The following WDR59 variants were observed in gnomAD, a reference collection of about 807,000 sequenced individuals.
The protein encoded by WDR59 is GATOR2 complex protein WDR59.
A neutral mutation model predicts 131.2 loss-of-function variants in WDR59; 100 were observed. The observed-to-expected ratio is 0.76, with a 90% CI of 0.65 to 0.90. WDR59 has a LOEUF of 0.90. WDR59 is among the 40% of genes least tolerant of loss of function. The pLI is 0.00. For missense variants in WDR59, 1,203 were observed against 1,262.2 expected, an observed-to-expected ratio of 0.95 and a Z score of 0.71; for synonymous variants, 601 against 466.2, an observed-to-expected ratio of 1.29 and a Z score of -3.72.
At chr16:74,947,192 T>C (rs893953074) in intron 6 of WDR59, among the ~76,000 whole-genome samples, 1 of 152,218 alleles carries the variant, frequency 6.6e-6, no homozygotes, top group Non-Finnish European at 1.5e-5. Flanking sequence ...CTCAAGCCTA[T>C]AATCCCAGCA....
rs376442708 is a variant in WDR59, at chr16:74,894,921, CAT to C, written c.1867-1111_1867-1110del. On this transcript the variant is annotated intron_variant, in intron 18 of 25. Transcript: ENST00000262144. ...TAAATGGAAAAGTGTACTCTAGAAA[CAT>C]GTAACTATTATGAATGTATATAAAC... 7.3e-4 allele frequency among the ~76,000 whole-genome samples: 111 copies of C among 152,274 alleles called. 1 individual carries two copies. In the South Asian group the frequency reaches 0.021, roughly 29 times the overall value.
intron 1 of WDR59, among the ~76,000 whole-genome samples, chr16:74,974,546 G>C (rs11860997): frequency 0.058 from 8,772 of 152,162 alleles, 828 homozygotes; most frequent in African/African-American, 0.2. Flanking sequence ...ATCCTTGCGA[G>C]GCCTGCTTGC....
At chr16:74,966,622 C>T (rs1470308930) in intron 1 of WDR59, among the ~76,000 whole-genome samples, 1 of 152,144 alleles carries the variant, frequency 6.6e-6, no homozygotes, top group Non-Finnish European at 1.5e-5. Context: ...CCCCACCCCA[C>T]ACACACCCAA....
chr16:74,973,646 T>C (rs986728512), intron 1 of WDR59, among the ~76,000 whole-genome samples: 1 of 152,234 alleles, frequency 6.6e-6, no homozygotes, highest in African/African-American at 2.4e-5. Flanking sequence ...TCGGAGACTC[T>C]TGTTCACACG....
chr16:74,912,182 G>A lies in WDR59; in HGVS notation c.1389+16C>T. On this transcript the variant is annotated intron_variant, in intron 14 of 25. Transcript: ENST00000262144. The stretch of plus-strand genomic sequence containing the variant: ...ATGCAGAACAGCAAGGAGAATTTGG[G>A]AACCCAGACCCCCACCTTCAGCAGC... 2.5e-6 allele frequency: 4 copies of A among 1,614,132 alleles called. No individual in the cohort carries two copies. Among genetic ancestry groups the A allele is most frequent in the Non-Finnish European group, 3.4e-6 (4 of 1,180,012 alleles).
At chr16:74,878,308 G>C (rs148173436) in intron 25 of WDR59, among the ~76,000 whole-genome samples, 2 of 152,266 alleles carry the variant, frequency 1.3e-5, no homozygotes, top group East Asian at 3.9e-4. Context: ...ACAAAGACTG[G>C]CATATCTTTC....
chr16:74,899,748 G>A (rs1337724714), intron 18 of WDR59: 5 of 1,289,148 alleles, frequency 3.9e-6, no homozygotes, highest in Non-Finnish European at 5.1e-6. Context: ...GCAGAGCGAG[G>A]AGACATCTGT....
intron 1 of WDR59, among the ~76,000 whole-genome samples, chr16:74,981,511 T>C (rs910029641): frequency 2.7e-5 from 4 of 149,490 alleles, no homozygotes; most frequent in African/African-American, 7.4e-5. Flanking sequence ...TGAGCCAAGA[T>C]TGCACCACTG....
At chr16:74,973,314 GC>G (rs1412204427) in intron 1 of WDR59, among the ~76,000 whole-genome samples, 1 of 120,836 alleles carries the variant, frequency 8.3e-6, no homozygotes, top group Non-Finnish European at 2.1e-5. Context: ...ATTGGGGTTG[GC>G]GGGGGGGCCG....
chr16:74,969,174 CT>C (rs1461362786), intron 1 of WDR59, among the ~76,000 whole-genome samples: 1 of 152,196 alleles, frequency 6.6e-6, no homozygotes, highest in Non-Finnish European at 1.5e-5. Context: ...AAGGTGCCTG[CT>C]GGGGATTAAA....
chr16:74,875,360 G>A (rs532244647), intron 25 of WDR59, among the ~76,000 whole-genome samples: 3 of 152,264 alleles, frequency 2.0e-5, no homozygotes, highest in African/African-American at 7.2e-5. Context: ...AGGGGCAGTG[G>A]GTGGGGACTG....
At chr16:74,962,486 G>A (rs2033604972) in intron 2 of WDR59, among the ~76,000 whole-genome samples, 1 of 152,088 alleles carries the variant, frequency 6.6e-6, no homozygotes, top group African/African-American at 2.4e-5. Context: ...AGTTCTCCTT[G>A]AAGAGGTCCT....
intron 3 of WDR59, among the ~76,000 whole-genome samples, chr16:74,952,007 G>A (rs555316870): frequency 7.9e-4 from 119 of 150,198 alleles, no homozygotes; most frequent in Non-Finnish European, 1.5e-3. Context: ...TTTTTCTTGA[G>A]ATGGGATCTA....
rs753905406 is a variant in WDR59, at chr16:74,948,605, C to A, written c.408-49G>T. ...AAATCCCCAATTTATATGCCACCAC[C>A]CACCTGGTATTTTTCACCCTTTGCA... On this transcript the variant is annotated intron_variant, in intron 5 of 25. Coordinates refer to ENST00000262144, the MANE Select transcript of WDR59 (RefSeq NM_030581.4). 2.7e-6 allele frequency: 4 copies of A among 1,460,014 alleles called. No individual in the cohort carries two copies. The South Asian group carries it at 4.6e-5, about 17-fold the overall frequency. The allele number at this position is 1,460,014 out of a possible 1,614,324, so 90.4% of individuals were successfully genotyped here. A position where few individuals can be genotyped will look rare whatever the true frequency, so the allele number is the denominator to read the frequency against.
chr16:74,881,942 T>C (rs2144772419), intron 25 of WDR59, among the ~76,000 whole-genome samples: 1 of 151,944 alleles, frequency 6.6e-6, no homozygotes, highest in South Asian at 2.1e-4. Flanking sequence ...TGTCTGTGAG[T>C]CCATCTTTCA....
In WDR59 at chr16:74,958,794, G is replaced by A. The variant is rs566478892; in HGVS notation, c.105-2184C>T. 9.9e-5 allele frequency among the ~76,000 whole-genome samples: 15 copies of A among 151,552 alleles called. No homozygotes were observed. The East Asian group carries it at 2.8e-3, about 28-fold the overall frequency. On this transcript the variant is annotated intron_variant, in intron 2 of 25. Transcript: ENST00000262144. ...GACCACTAAGGAGGCCGGGCACAGT[G>A]GCCCACGCCTATAATCCCAGCACTG... is the stretch of plus-strand genomic sequence containing the variant.
intron 9 of WDR59, among the ~76,000 whole-genome samples, chr16:74,922,966 A>T (rs1052947449): frequency 1.3e-5 from 2 of 152,180 alleles, no homozygotes; most frequent in Admixed American, 1.3e-4. Flanking sequence ...TTTCAGATTG[A>T]CATTAAAGGA....
At chr16:74,962,437 T>C (rs545530000) in intron 2 of WDR59, among the ~76,000 whole-genome samples, 1 of 152,326 alleles carries the variant, frequency 6.6e-6, no homozygotes, top group African/African-American at 2.4e-5. Context: ...TTTTGCTATT[T>C]GTTTCTGTCC....
chr16:74,874,928 T>C (rs2144740653), intron 25 of WDR59, among the ~76,000 whole-genome samples: 1 of 152,116 alleles, frequency 6.6e-6, no homozygotes, highest in Admixed American at 6.5e-5. Flanking sequence ...AACTCCTTCT[T>C]CTGAGCCACT....
Sources: gnomAD v4.1 joint callset for allele counts (sites outside exome capture counted in the v4.1 genomes callset) on GRCh38, gnomAD v4.1.1 for gene constraint, MANE v1.5 for transcripts, NCBI Gene and HGNC (gene_info 2026-07-23, HGNC 2026-07-21) for gene names.